NRG3: variants seen among roughly 807,000 people sequenced by gnomAD.
NRG3 encodes neuregulin 3.
NRG3 carries 31 observed loss-of-function variants against 66.9 expected under a neutral mutation model. The observed-to-expected ratio is 0.46, with a 90% confidence interval of 0.35 to 0.63. The LOEUF (loss-of-function observed/expected upper bound fraction) is 0.63. Ranked by LOEUF, NRG3 falls within the 20% of genes least tolerant of loss-of-function variation. The pLI, the probability that NRG3 is intolerant of heterozygous loss-of-function variation, is 0.00. For synonymous variants in NRG3, 393 were observed against 359.4 expected (o/e 1.09, Z -1.06); for missense variants, 910 against 878.9 (o/e 1.04, Z -0.45).
At chr10:82,442,856 C>T (rs1377577311) in intron 2 of NRG3, among the ~76,000 whole-genome samples, 2 of 121,752 alleles carry the variant, frequency 1.6e-5, no homozygotes, top group Non-Finnish European at 3.1e-5. Context: ...GCATAGAAGT[C>T]ACTTGGAAGT....
At chr10:82,058,686 T>G (rs1049617682) in intron 1 of NRG3, among the ~76,000 whole-genome samples, 1 of 152,070 alleles carries the variant, frequency 6.6e-6, no homozygotes, top group Non-Finnish European at 1.5e-5. Flanking sequence ...ATCTCACAAG[T>G]TTTTGGTGTT....
intron 1 of NRG3, among the ~76,000 whole-genome samples, chr10:82,096,513 A>G (rs943791822): frequency 6.6e-6 from 1 of 152,076 alleles, no homozygotes; most frequent in Non-Finnish European, 1.5e-5. Context: ...AACCACAAAA[A>G]AAACATGAAC....
intron 2 of NRG3, among the ~76,000 whole-genome samples, chr10:82,441,911 G>A (rs1004174012): frequency 5.3e-5 from 8 of 152,120 alleles, no homozygotes; most frequent in Admixed American, 2.6e-4. Flanking sequence ...AGAGACTCTT[G>A]TCCCTTACAA....
intron 1 of NRG3, among the ~76,000 whole-genome samples, chr10:82,264,474 C>A (rs1240215921): frequency 6.6e-6 from 1 of 151,610 alleles, no homozygotes; most frequent in African/African-American, 2.4e-5. Context: ...GGGATTATTA[C>A]AATTGAAGGT....
chr10:82,066,279 A>T (rs1474076988), intron 1 of NRG3, among the ~76,000 whole-genome samples: 1 of 152,146 alleles, frequency 6.6e-6, no homozygotes, highest in Admixed American at 6.5e-5. Flanking sequence ...GAATGTAAAT[A>T]TACATCTACA....
chr10:82,624,215 G>A (rs1055710343), intron 2 of NRG3, among the ~76,000 whole-genome samples: 4 of 152,026 alleles, frequency 2.6e-5, no homozygotes, highest in African/African-American at 7.2e-5. Flanking sequence ...TCTTTGCTTA[G>A]TATGACTTGA....
At position 82,142,485 on chromosome 10, in the gene NRG3, G is replaced by A. The variant is rs567276226; in HGVS notation, c.824-216254G>A. 7.2e-5 allele frequency among the ~76,000 whole-genome samples: 11 copies of A among 152,234 alleles called. No individual in the cohort carries two copies. In the South Asian group the frequency reaches 8.3e-4, roughly 11 times the overall value. On this transcript the variant is annotated intron_variant, in intron 1 of 8. Transcript: ENST00000372141. The stretch of plus-strand genomic sequence containing the variant: ...TGTTCAGTAGGAACAGTGGGAACAC[G>A]TGCTTCTGGTTGCTGTTTCCTTTTC...
At chr10:82,215,993 A>G (rs535270862) in intron 1 of NRG3, among the ~76,000 whole-genome samples, 1 of 107,728 alleles carries the variant, frequency 9.3e-6, no homozygotes, top group East Asian at 2.7e-4. Context: ...TTTGAGACAG[A>G]ATTTCTCTCT....
chr10:82,945,779 T>C (rs1350253227), intron 4 of NRG3, among the ~76,000 whole-genome samples: 1 of 152,192 alleles, frequency 6.6e-6, no homozygotes, highest in Admixed American at 6.5e-5. Flanking sequence ...TTACAATGAC[T>C]ATTCAATTTC....
At chr10:82,133,419 A>G (rs2069086007) in intron 1 of NRG3, among the ~76,000 whole-genome samples, 1 of 152,050 alleles carries the variant, frequency 6.6e-6, no homozygotes, top group East Asian at 1.9e-4. Context: ...GCCACCCTGC[A>G]CCCTCAAGTA....
chr10:82,384,174 T>A (rs1414360543), intron 2 of NRG3, among the ~76,000 whole-genome samples: 1 of 152,190 alleles, frequency 6.6e-6, no homozygotes, highest in South Asian at 2.1e-4. Flanking sequence ...AGTCATCTGA[T>A]TTTTTTCTCC....
chr10:82,943,817 A>C (rs1016078186), intron 4 of NRG3, among the ~76,000 whole-genome samples: 4 of 152,102 alleles, frequency 2.6e-5, no homozygotes, highest in Non-Finnish European at 5.9e-5. Flanking sequence ...CACAGGGGGG[A>C]AAAATTTTAA....
At chr10:82,578,932 T>A (rs1315219650) in intron 2 of NRG3, among the ~76,000 whole-genome samples, 1 of 151,960 alleles carries the variant, frequency 6.6e-6, no homozygotes, top group Non-Finnish European at 1.5e-5. Context: ...AATCATTTTT[T>A]AAATGTGACC....
At chr10:82,240,463 A>T (rs2133988216) in intron 1 of NRG3, among the ~76,000 whole-genome samples, 1 of 152,306 alleles carries the variant, frequency 6.6e-6, no homozygotes, top group African/African-American at 2.4e-5. Context: ...TTTTGGAAGA[A>T]TGGAATTTTT....
chr10:82,796,829 C>T (rs139674534), intron 3 of NRG3, among the ~76,000 whole-genome samples: 1 of 151,942 alleles, frequency 6.6e-6, no homozygotes, highest in South Asian at 2.1e-4. Flanking sequence ...AAAAATAAAT[C>T]TTGGTCAACT....
At chr10:82,211,065 T>G (rs2133628150) in intron 1 of NRG3, among the ~76,000 whole-genome samples, 1 of 152,312 alleles carries the variant, frequency 6.6e-6, no homozygotes, top group Non-Finnish European at 1.5e-5. Context: ...TGATAAATGT[T>G]AATATTTATT....
chr10:82,668,275 C>T (rs2052960624), intron 2 of NRG3, among the ~76,000 whole-genome samples: 1 of 152,188 alleles, frequency 6.6e-6, no homozygotes, highest in Non-Finnish European at 1.5e-5. Flanking sequence ...AGTTGGCTTT[C>T]TCAGTACTAC....
At chr10:82,060,984 C>G (rs2064111531) in intron 1 of NRG3, among the ~76,000 whole-genome samples, 1 of 152,192 alleles carries the variant, frequency 6.6e-6, no homozygotes, top group Admixed American at 6.5e-5. Flanking sequence ...CTGCCACTTC[C>G]TATGTTTGCA....
intron 1 of NRG3, among the ~76,000 whole-genome samples, chr10:81,952,272 C>A (rs188535703): frequency 1.3e-5 from 2 of 152,214 alleles, no homozygotes; most frequent in East Asian, 3.9e-4. Flanking sequence ...CTTATTATGC[C>A]TTAGTCCGGT....
Sources: allele counts gnomAD v4.1 joint callset (sites outside exome capture counted in the v4.1 genomes callset), GRCh38; gene constraint gnomAD v4.1.1; transcripts MANE v1.5; gene names NCBI Gene and HGNC (gene_info 2026-07-23, HGNC 2026-07-21).